The following DLGAP2 variants were observed in gnomAD, a reference collection of about 807,000 sequenced individuals.
The protein encoded by DLGAP2 is disks large-associated protein 2.
In DLGAP2, 26 loss-of-function variants were observed where a neutral mutation model predicts 100.3. The ratio of observed to expected loss-of-function variants is 0.26; its 90% confidence interval spans 0.19 to 0.36. The LOEUF is 0.36. Among genes scored for constraint, DLGAP2 ranks in the 10% least tolerant of loss-of-function variants. The pLI is 1.00. For synonymous variants in DLGAP2, 886 were observed against 630.1 expected (o/e 1.41, Z -6.08); for missense variants, 1,858 against 1,453.2 (o/e 1.28, Z -4.53).
chr8:1,407,802 C>T (rs1462318656), intron 3 of DLGAP2, among the ~76,000 whole-genome samples: 12 of 146,198 alleles, frequency 8.2e-5, no homozygotes, highest in Admixed American at 1.4e-4. Flanking sequence ...CCTCCGGGGT[C>T]GTGTATTGAG....
chr8:1,550,633 G>C (rs1563216083), intron 5 of DLGAP2, among the ~76,000 whole-genome samples: 1 of 152,204 alleles, frequency 6.6e-6, no homozygotes, highest in African/African-American at 2.4e-5. Context: ...AGGCCTCTGT[G>C]TCTCTGGGGT....
At chr8:1,337,459 A>ATGGT (rs1159167354) in intron 3 of DLGAP2, among the ~76,000 whole-genome samples, 1 of 624 alleles carries the variant, frequency 1.6e-3, no homozygotes, top group Non-Finnish European at 2.6e-3. Context: ...GATGATGGTG[A>ATGGT]GAATGGTGAG....
intron 3 of DLGAP2, among the ~76,000 whole-genome samples, chr8:1,457,361 C>T (rs975543831): frequency 6.6e-6 from 1 of 152,162 alleles, no homozygotes; most frequent in African/African-American, 2.4e-5. Context: ...TGTTCCTGCT[C>T]CTGCTCTAAA....
chr8:1,357,347 C>G (rs1225262888), intron 3 of DLGAP2, among the ~76,000 whole-genome samples: 4 of 151,944 alleles, frequency 2.6e-5, no homozygotes, highest in Admixed American at 2.6e-4. Context: ...ACTGACACCC[C>G]TGTTCACCTA....
chr8:1,117,861 C>T (rs751849671), intron 2 of DLGAP2, among the ~76,000 whole-genome samples: 2 of 151,976 alleles, frequency 1.3e-5, no homozygotes, highest in African/African-American at 4.8e-5. Context: ...CACAGTTAGG[C>T]TTTTGAAAGT....
At chr8:919,335 C>T (rs539803765) in intron 2 of DLGAP2, among the ~76,000 whole-genome samples, 3 of 152,232 alleles carry the variant, frequency 2.0e-5, no homozygotes, top group Non-Finnish European at 2.9e-5. Context: ...CATCAGGCCG[C>T]GACGGGCAGG....
intron 1 of DLGAP2, among the ~76,000 whole-genome samples, chr8:884,525 A>G (rs944375462): frequency 1.3e-5 from 2 of 150,872 alleles, no homozygotes; most frequent in Non-Finnish European, 2.9e-5. Flanking sequence ...TAAATTCTGG[A>G]TGTTAGATCT....
At chr8:1,298,349 G>C (rs1439558678) in intron 3 of DLGAP2, among the ~76,000 whole-genome samples, 1 of 152,140 alleles carries the variant, frequency 6.6e-6, no homozygotes, top group Admixed American at 6.5e-5. Flanking sequence ...TACAGAGGCC[G>C]CGTCCTTCCA....
At chr8:1,303,549 T>C (rs1800416807) in intron 3 of DLGAP2, among the ~76,000 whole-genome samples, 1 of 152,024 alleles carries the variant, frequency 6.6e-6, no homozygotes, top group Non-Finnish European at 1.5e-5. Flanking sequence ...GTCTTATCCA[T>C]TAGGTTTAAT....
intron 2 of DLGAP2, among the ~76,000 whole-genome samples, chr8:1,233,411 G>C (rs983360597): frequency 2.6e-5 from 4 of 152,194 alleles, no homozygotes; most frequent in Admixed American, 1.3e-4. Context: ...GCAAGGGCGT[G>C]CCTGTCTTAG....
Position 1,449,525 on chromosome 8 carries a change from G to A in DLGAP2, c.107-51841G>A, listed in dbSNP as rs920740987. 3.9e-5 allele frequency among the ~76,000 whole-genome samples: 6 copies of A among 152,156 alleles called. No individual in the cohort carries two copies. The East Asian group carries it at 7.7e-4, about 20-fold the overall frequency. On this transcript the variant is annotated intron_variant, in intron 3 of 14. Transcript: ENST00000637795. ...TGTCAGAGGCTCTCACAGCCAAGCT[G>A]CTGGCTTCCAGGCACCACAGCCACT...
intron 1 of DLGAP2, among the ~76,000 whole-genome samples, chr8:762,027 T>A (rs774078545): frequency 5.9e-5 from 9 of 152,194 alleles, no homozygotes; most frequent in Non-Finnish European, 7.3e-5. Flanking sequence ...ATATTTACGA[T>A]GATAGGTCGC....
intron 2 of DLGAP2, among the ~76,000 whole-genome samples, chr8:1,064,501 G>T (rs2129035870): frequency 6.6e-6 from 1 of 152,180 alleles, no homozygotes; most frequent in East Asian, 1.9e-4. Context: ...CAGCATTAAT[G>T]ACATCCACTC....
At chr8:1,579,767 G>A (rs185709692) in intron 6 of DLGAP2, among the ~76,000 whole-genome samples, 14 of 152,246 alleles carry the variant, frequency 9.2e-5, no homozygotes, top group Admixed American at 3.9e-4. Context: ...ATACAGCCAC[G>A]TTCACTATTG....
chr8:806,883 C>G (rs944997356), intron 1 of DLGAP2, among the ~76,000 whole-genome samples: 8 of 152,158 alleles, frequency 5.3e-5, no homozygotes, highest in African/African-American at 1.7e-4. Flanking sequence ...ACTGGGACCC[C>G]TAAGAGCAAG....
At position 986,401 on chromosome 8, in the gene DLGAP2, G is replaced by C. The variant is rs541355084; in HGVS notation, c.73+78435G>C. On this transcript the variant is annotated intron_variant, in intron 2 of 14. Transcript: ENST00000637795. ...TTATTACATAGGTATTCATGTGCCA[G>C]GGTGGTTGCAAATTAAACTTTTCTC... Among the ~76,000 whole-genome samples, 6 of 152,286 alleles carry C rather than the reference G, an allele frequency of 3.9e-5. No individual in the cohort carries two copies. The South Asian group carries it at 1.2e-3, about 32-fold the overall frequency.
At chr8:931,042 T>C (rs536154897) in intron 2 of DLGAP2, among the ~76,000 whole-genome samples, 5 of 151,908 alleles carry the variant, frequency 3.3e-5, no homozygotes, top group Non-Finnish European at 7.4e-5. Context: ...CTTCGTCAAA[T>C]GATTTCCCGA....
chr8:1,553,019 C>T (rs955295739), intron 5 of DLGAP2, among the ~76,000 whole-genome samples: 2 of 152,174 alleles, frequency 1.3e-5, no homozygotes, highest in African/African-American at 4.8e-5. Context: ...CTCAGGATGC[C>T]AAAGGCTCTC....
intron 2 of DLGAP2, among the ~76,000 whole-genome samples, chr8:1,124,731 G>A (rs1006631493): frequency 3.9e-5 from 6 of 152,186 alleles, no homozygotes; most frequent in African/African-American, 1.4e-4. Context: ...ATAACCATCA[G>A]TGTCATTGCT....
Sources: gnomAD v4.1 joint callset for allele counts (sites outside exome capture counted in the v4.1 genomes callset) on GRCh38, gnomAD v4.1.1 for gene constraint, MANE v1.5 for transcripts, NCBI Gene and HGNC (gene_info 2026-07-23, HGNC 2026-07-21) for gene names.